TAF3: variants seen among roughly 807,000 people sequenced by gnomAD.
The protein encoded by TAF3 is TATA-box binding protein associated factor 3.
Under a neutral mutation model 80.6 loss-of-function variants are expected in TAF3, and 7 were observed. The observed-to-expected ratio is 0.09, with a 90% CI of 0.05 to 0.16. The LOEUF (loss-of-function observed/expected upper bound fraction) is 0.16, where lower values mean the gene tolerates loss of function less well. Among genes scored for constraint, TAF3 ranks in the 10% least tolerant of loss-of-function variants. The pLI is 1.00. For missense variants in TAF3, 921 were observed against 1,140.2 expected (o/e 0.81, Z 2.77); for synonymous variants, 444 against 446.1 (o/e 1.00, Z 0.06).
chr10:8,000,235 G>T (rs1831929604), intron 4 of TAF3, among the ~76,000 whole-genome samples: 1 of 151,984 alleles, frequency 6.6e-6, no homozygotes, highest in African/African-American at 2.4e-5. Flanking sequence ...TCTAGCCTCA[G>T]CCTCCTGAGT....
chr10:7,930,018 A>G (rs1242306247), intron 2 of TAF3, among the ~76,000 whole-genome samples: 1 of 152,188 alleles, frequency 6.6e-6, no homozygotes, highest in Non-Finnish European at 1.5e-5. Flanking sequence ...CCTGGGCACG[A>G]TAGGGAGGCC....
chr10:7,863,815 G>A (rs1320141795), intron 2 of TAF3, among the ~76,000 whole-genome samples: 2 of 148,486 alleles, frequency 1.3e-5, no homozygotes, highest in African/African-American at 5.0e-5. Flanking sequence ...TCTCAGTGAT[G>A]TTTTATAGTT....
At chr10:7,854,794 G>A (rs1306883293) in intron 2 of TAF3, among the ~76,000 whole-genome samples, 2 of 152,188 alleles carry the variant, frequency 1.3e-5, no homozygotes, top group Middle Eastern at 3.2e-3. Context: ...ACGTAGATCA[G>A]TAGTATGTTA....
chr10:7,874,056 TAGTA>T (rs1719401401), intron 2 of TAF3, among the ~76,000 whole-genome samples: 1 of 152,218 alleles, frequency 6.6e-6, no homozygotes. Context: ...CAATAGGTAA[TAGTA>T]AGTGCATTGA....
intron 2 of TAF3, among the ~76,000 whole-genome samples, chr10:7,870,747 T>C (rs1016990190): frequency 1.3e-5 from 2 of 152,182 alleles, no homozygotes; most frequent in African/African-American, 4.8e-5. Flanking sequence ...CACTCATGCC[T>C]GCCCCCACTT....
At chr10:7,985,109 C>T (rs919563723) in intron 4 of TAF3, among the ~76,000 whole-genome samples, 14 of 152,230 alleles carry the variant, frequency 9.2e-5, no homozygotes, top group Admixed American at 3.9e-4. Flanking sequence ...GAGTGAATAT[C>T]CACGTCACTG....
chr10:7,916,086 T>C (rs903181825), intron 2 of TAF3, among the ~76,000 whole-genome samples: 5 of 152,200 alleles, frequency 3.3e-5, no homozygotes, highest in African/African-American at 1.2e-4. Flanking sequence ...TTGTAAATGT[T>C]TTAGTGTAGC....
At chr10:7,839,436 A>C (rs925179182) in intron 2 of TAF3, among the ~76,000 whole-genome samples, 1 of 152,164 alleles carries the variant, frequency 6.6e-6, no homozygotes, top group African/African-American at 2.4e-5. Flanking sequence ...GGAGAAACTT[A>C]CTGACTCCTG....
In TAF3 at chr10:8,005,993, G is replaced by A. The variant is rs555551912; in HGVS notation, c.2316-3085G>A. Among the ~76,000 whole-genome samples the A allele has an allele frequency of 1.1e-4, 17 of 152,154 alleles. No homozygotes were observed. The East Asian group carries it at 2.3e-3, about 21-fold the overall frequency. ...AATCTCTCTGTGCCTTGGTTTCTTC[G>A]TTTAAAAAGCAGAATAATAGCTTGC... On this transcript the variant is annotated intron_variant, in intron 4 of 6. Transcript: ENST00000344293.
intron 3 of TAF3, among the ~76,000 whole-genome samples, chr10:7,973,075 C>G (rs75924294): frequency 0.016 from 2,366 of 152,268 alleles, 32 homozygotes; most frequent in South Asian, 0.051. Flanking sequence ...CTTTGTAACT[C>G]TAGGTAAAGC....
At chr10:7,932,669 A>ATTTTTTTTTTTTTTTTTTT (rs34907761) in intron 2 of TAF3, among the ~76,000 whole-genome samples, 2 of 78,810 alleles carry the variant, frequency 2.5e-5, no homozygotes, top group African/African-American at 1.2e-4. Context: ...GTTCCACTTA[A>ATTTTTTTTTTTTTTTTTTT]TTTTTTTTTT....
chr10:7,884,392 C>CA (rs199655446), intron 2 of TAF3, among the ~76,000 whole-genome samples: 5,393 of 120,510 alleles, frequency 0.045, 162 homozygotes, highest in East Asian at 0.11. Flanking sequence ...GCTCTGCCTC[C>CA]TTTTTTTTTT....
chr10:7,892,818 C>CTTTTTTTTTTT (rs1020623158), intron 2 of TAF3, among the ~76,000 whole-genome samples: 2 of 137,152 alleles, frequency 1.5e-5, no homozygotes, highest in African/African-American at 2.6e-5. Flanking sequence ...TTTTCTTTTT[C>CTTTTTTTTTTT]TTTTTTTTTT....
intron 2 of TAF3, among the ~76,000 whole-genome samples, chr10:7,873,014 A>G (rs1287983135): frequency 1.3e-5 from 2 of 152,162 alleles, no homozygotes; most frequent in Non-Finnish European, 1.5e-5. Flanking sequence ...AGTAGTTTAA[A>G]AACAAACAGA....
chr10:7,954,624 G>A (rs548948612), intron 2 of TAF3, among the ~76,000 whole-genome samples: 12 of 137,918 alleles, frequency 8.7e-5, no homozygotes, highest in African/African-American at 3.1e-4. Flanking sequence ...AGTTAACACA[G>A]AGCTCTCCAT....
At chr10:7,841,318 T>C (rs535312624) in intron 2 of TAF3, among the ~76,000 whole-genome samples, 1 of 152,348 alleles carries the variant, frequency 6.6e-6, no homozygotes, top group South Asian at 2.1e-4. Flanking sequence ...GCTCACTGCT[T>C]ATTTCTGAAA....
At chr10:7,956,511 A>C (rs1486691908) in intron 2 of TAF3, among the ~76,000 whole-genome samples, 1 of 152,162 alleles carries the variant, frequency 6.6e-6, no homozygotes, top group Admixed American at 6.5e-5. Context: ...ATTTTAAAAT[A>C]ATTTTACAGT....
chr10:7,940,958 CAAAAAAGAAAAA>C lies in TAF3; in HGVS notation c.410-22952_410-22941del, dbSNP rs1588559766. Among the ~76,000 whole-genome samples, 4 of 138,044 alleles carry C rather than the reference CAAAAAAGAAAAA, an allele frequency of 2.9e-5. No homozygotes were observed. The South Asian group carries it at 9.3e-4, about 32-fold the overall frequency. The allele number at this position is 138,044 out of a possible 152,430, so 90.6% of individuals were successfully genotyped here. On this transcript the variant is annotated intron_variant, in intron 2 of 6. Coordinates refer to ENST00000344293, the MANE Select transcript of TAF3 (RefSeq NM_031923.4). ...TGGAAGACAGAGCAAGACCCTGTCT[CAAAAAAGAAAAA>C]AAAAAAGAAGAAAAGAAAAAGAAAA...
intron 4 of TAF3, among the ~76,000 whole-genome samples, chr10:7,995,422 C>T (rs1831878564): frequency 6.6e-6 from 1 of 152,124 alleles, no homozygotes; most frequent in African/African-American, 2.4e-5. Context: ...CTTTATACTC[C>T]TTATTCTATA....
Sources: allele counts gnomAD v4.1 joint callset (sites outside exome capture counted in the v4.1 genomes callset), GRCh38; gene constraint gnomAD v4.1.1; transcripts MANE v1.5; gene names NCBI Gene and HGNC (gene_info 2026-07-23, HGNC 2026-07-21).